XKR4: variants seen among roughly 807,000 people sequenced by gnomAD.
XKR4 encodes the protein XK-related protein 4.
A neutral mutation model predicts 53.9 loss-of-function variants in XKR4; 12 were observed. That is an observed-to-expected ratio of 0.22 (90% CI 0.14 to 0.36). The LOEUF (loss-of-function observed/expected upper bound fraction) is 0.36. Among genes scored for constraint, XKR4 ranks in the 10% least tolerant of loss-of-function variants. The pLI is 1.00. For missense variants in XKR4, 799 were observed against 859.5 expected (o/e 0.93, Z 0.88); for synonymous variants, 354 against 362.4 (o/e 0.98, Z 0.26).
intron 1 of XKR4, among the ~76,000 whole-genome samples, chr8:55,306,981 A>G (rs1819310351): frequency 6.6e-6 from 1 of 152,036 alleles, no homozygotes; most frequent in Non-Finnish European, 1.5e-5. Context: ...ACACCTATAC[A>G]CAAATTAGAT....
At chr8:55,237,180 G>A (rs1818138126) in intron 1 of XKR4, among the ~76,000 whole-genome samples, 1 of 152,138 alleles carries the variant, frequency 6.6e-6, no homozygotes, top group South Asian at 2.1e-4. Context: ...TGAATTCCTT[G>A]GGGAGGTGAG....
At chr8:55,247,855 C>CTTTCTTTCTTTCTTTCTTTCT (rs369983175) in intron 1 of XKR4, among the ~76,000 whole-genome samples, 21 of 59,886 alleles carry the variant, frequency 3.5e-4, no homozygotes, top group Non-Finnish European at 5.0e-4. Flanking sequence ...TTCTTTCTTT[C>CTTTCTTTCTTTCTTTCTTTCT]TTTTTTTTTT....
At chr8:55,108,246 T>A (rs1026688553) in intron 1 of XKR4, among the ~76,000 whole-genome samples, 2 of 151,264 alleles carry the variant, frequency 1.3e-5, no homozygotes, top group African/African-American at 4.9e-5. Flanking sequence ...ACATATGGAG[T>A]GAGGGAGGGA....
At chr8:55,354,541 G>T (rs1389352082) in intron 1 of XKR4, among the ~76,000 whole-genome samples, 1 of 152,190 alleles carries the variant, frequency 6.6e-6, no homozygotes, top group Non-Finnish European at 1.5e-5. Context: ...GAGAACACCA[G>T]AAGAGTGTGT....
chr8:55,145,189 C>T (rs75555287), intron 1 of XKR4, among the ~76,000 whole-genome samples: 365 of 152,160 alleles, frequency 2.4e-3, no homozygotes, highest in African/African-American at 8.3e-3. Flanking sequence ...ATTGGATCAC[C>T]CCTTCATAGA....
At position 55,301,715 on chromosome 8, in the gene XKR4, G is replaced by A. The variant is rs1819201811; in HGVS notation, c.807-55963G>A. ...AACTGGTGTGAGATGGTATCTCATTGTGGTTTTGATTTGCATTTCTCTGAT... is the reference window on the plus strand; with the variant it reads ...AACTGGTGTGAGATGGTATCTCATTATGGTTTTGATTTGCATTTCTCTGAT... On this transcript the variant is annotated intron_variant, in intron 1 of 2. Transcript: ENST00000327381. 2.0e-5 allele frequency among the ~76,000 whole-genome samples: 3 copies of A among 152,178 alleles called. No individual in the cohort carries two copies. In the South Asian group the frequency reaches 6.2e-4, roughly 31 times the overall value.
chr8:55,318,246 G>A (rs1449980624), intron 1 of XKR4, among the ~76,000 whole-genome samples: 1 of 152,158 alleles, frequency 6.6e-6, no homozygotes, highest in African/African-American at 2.4e-5. Flanking sequence ...TAAAAATCAT[G>A]ACAAATAGGT....
chr8:55,161,663 G>A (rs1313733376), intron 1 of XKR4: 4 of 455,892 alleles, frequency 8.8e-6, no homozygotes, highest in East Asian at 7.0e-5. Context: ...ATACTTGGAC[G>A]GTGTTTAGAA....
At chr8:55,422,409 A>C (rs1563346102) in intron 2 of XKR4, among the ~76,000 whole-genome samples, 1 of 152,222 alleles carries the variant, frequency 6.6e-6, no homozygotes, top group Non-Finnish European at 1.5e-5. Flanking sequence ...GAGAGAATGC[A>C]ATAATGGGAG....
In XKR4 at chr8:55,441,231, C is replaced by A. The variant is rs142511646; in HGVS notation, c.1007-82050C>A. On this transcript the variant is annotated intron_variant, in intron 2 of 2. Coordinates refer to ENST00000327381, the MANE Select transcript of XKR4 (RefSeq NM_052898.2). Reference sequence around the variant, plus strand: ...CTACAGCCTGGGTGACAGGGTAAGACCCTGTCTCAAGAAAAAACATAAAAA... The same window carrying A: ...CTACAGCCTGGGTGACAGGGTAAGAACCTGTCTCAAGAAAAAACATAAAAA... Among the ~76,000 whole-genome samples the A allele has an allele frequency of 1.1e-4, 16 of 149,954 alleles. No homozygotes were observed. In the East Asian group the frequency reaches 3.4e-3, roughly 32 times the overall value.
intron 1 of XKR4, among the ~76,000 whole-genome samples, chr8:55,168,196 T>C (rs1226578009): frequency 1.3e-5 from 2 of 152,222 alleles, no homozygotes; most frequent in Admixed American, 1.3e-4. Context: ...AACTCTTCTA[T>C]TGGCCAAACA....
intron 2 of XKR4, among the ~76,000 whole-genome samples, chr8:55,490,245 A>G (rs1585602826): frequency 6.6e-6 from 1 of 152,232 alleles, no homozygotes; most frequent in East Asian, 1.9e-4. Context: ...TGCAGCCATA[A>G]AAAAGAATAA....
chr8:55,439,041 C>G (rs548258573), intron 2 of XKR4, among the ~76,000 whole-genome samples: 1 of 152,152 alleles, frequency 6.6e-6, no homozygotes, highest in South Asian at 2.1e-4. Context: ...TGCATAGGGA[C>G]CTTGCGTAAT....
At chr8:55,520,863 T>C (rs992131545) in intron 2 of XKR4, 2 of 152,252 alleles carry the variant, frequency 1.3e-5, no homozygotes, top group African/African-American at 4.8e-5. Flanking sequence ...GAGGCTAATG[T>C]TTCTATTCTT....
rs137976219 is a variant in XKR4 at position 55,454,309 on chromosome 8, G to T, written c.1007-68972G>T. 1.0e-5 allele frequency: 15 copies of T among 1,471,236 alleles called. 1 individual carries two copies. In the South Asian group the frequency reaches 1.5e-4, roughly 14 times the overall value. 91.1% of individuals were successfully genotyped at this position (1,471,236 alleles called of 1,614,324 possible). A position where few individuals can be genotyped will look rare whatever the true frequency, so the allele number is the denominator to read the frequency against. Reference sequence around the variant, plus strand: ...CTGCCTGGAAGGCCGCATTGACCCCGATTATGAAGGGCGTGGGTGTGCTGA... The same window carrying T: ...CTGCCTGGAAGGCCGCATTGACCCCTATTATGAAGGGCGTGGGTGTGCTGA... On this transcript the variant is annotated intron_variant, in intron 2 of 2. Coordinates refer to ENST00000327381, the MANE Select transcript of XKR4 (RefSeq NM_052898.2).
intron 2 of XKR4, among the ~76,000 whole-genome samples, chr8:55,465,875 C>A (rs1805759312): frequency 6.6e-6 from 1 of 152,138 alleles, no homozygotes; most frequent in African/African-American, 2.4e-5. Flanking sequence ...AGCCAAAAGA[C>A]ACATGAAAAA....
chr8:55,171,131 C>CT (rs1437305191), intron 1 of XKR4, among the ~76,000 whole-genome samples: 1 of 152,178 alleles, frequency 6.6e-6, no homozygotes, highest in African/African-American at 2.4e-5. Context: ...CACATACACA[C>CT]TGTACCGTGA....
chr8:55,399,595 A>G (rs1408477824), intron 2 of XKR4, among the ~76,000 whole-genome samples: 1 of 152,234 alleles, frequency 6.6e-6, no homozygotes. Flanking sequence ...GGTTCTTAGA[A>G]TAAGGGCACA....
Position 55,464,188 on chromosome 8 carries a change from G to C in XKR4, c.1007-59093G>C, listed in dbSNP as rs180870269. 7.9e-4 allele frequency among the ~76,000 whole-genome samples: 120 copies of C among 152,240 alleles called. 1 individual carries two copies. Among genetic ancestry groups the C allele is most frequent in the African/African-American group, 2.8e-3 (118 of 41,508 alleles). ...GACACAACAAAAAAAGAGAATTTTA[G>C]ACCAATATCCTTGATGAACATTGAT... On this transcript the variant is annotated intron_variant, in intron 2 of 2. Transcript: ENST00000327381.
Sources: allele counts gnomAD v4.1 joint callset (sites outside exome capture counted in the v4.1 genomes callset), GRCh38; gene constraint gnomAD v4.1.1; transcripts MANE v1.5; gene names NCBI Gene and HGNC (gene_info 2026-07-23, HGNC 2026-07-21).